MAP3K20: variants seen among roughly 807,000 people sequenced by gnomAD.
The protein encoded by MAP3K20 is mitogen-activated protein kinase kinase kinase 20, also known as HCCS-4.
In MAP3K20, 40 loss-of-function variants were observed where a neutral mutation model predicts 85.7. The observed-to-expected ratio is 0.47, with a 90% CI of 0.36 to 0.61. MAP3K20 has a LOEUF of 0.61. Among genes scored for constraint, MAP3K20 ranks in the 20% least tolerant of loss-of-function variants. The pLI is 0.00. For missense variants in MAP3K20, 817 were observed against 961.7 expected, an observed-to-expected ratio of 0.85 and a Z score of 1.99; for synonymous variants, 325 against 327.7, an observed-to-expected ratio of 0.99 and a Z score of 0.09.
Position 173,191,138 on chromosome 2 carries a change from C to G in MAP3K20, c.543C>G (p.Leu181=). ...PWMAPEVIQS[L]PVSETCDTYS... is the part of the protein sequence containing the mutation. ...TGGCTCCAGAAGTTATCCAGAGTCT[C>G]CCTGTGTCAGAAACTTGTGACACAT... The change falls in exon 7 of 20, where the codon CTC becomes CTG. Residue 181 remains leucine, a synonymous_variant. Transcript: ENST00000375213. The G allele has an allele frequency of 6.2e-7, 1 of 1,613,980 alleles. No individual in the cohort carries two copies. The highest frequency in any genetic ancestry group is 8.5e-7 in the Non-Finnish European group (1 of 1,179,934).
Position 173,217,741 on chromosome 2 carries a change from G to A in MAP3K20, c.987+491G>A, listed in dbSNP as rs76550983. Among the ~76,000 whole-genome samples the A allele has an allele frequency of 3.7e-3, 568 of 152,178 alleles. 5 individuals carry two copies. Among genetic ancestry groups the A allele is most frequent in the African/African-American group, 0.013 (528 of 41,516 alleles). On this transcript the variant is annotated intron_variant, in intron 11 of 19. Transcript: ENST00000375213. The stretch of plus-strand genomic sequence containing the variant: ...TGCAAATGAGAAGCATTAATATTTC[G>A]TACTCAATTTAGTGTTATGATCATG...
At chr2:173,120,100 T>A (rs1444760738) in intron 2 of MAP3K20, among the ~76,000 whole-genome samples, 1 of 152,192 alleles carries the variant, frequency 6.6e-6, no homozygotes, top group Non-Finnish European at 1.5e-5. Flanking sequence ...AATACAATTA[T>A]CTTTTAAAAA....
intron 2 of MAP3K20, among the ~76,000 whole-genome samples, chr2:173,099,318 G>T (rs1574011428): frequency 2.3e-5 from 3 of 133,056 alleles, no homozygotes; most frequent in African/African-American, 6.0e-5. Flanking sequence ...TTTGTTTTGT[G>T]TTTTGTGTTT....
chr2:173,165,744 T>A (rs1187216289), intron 2 of MAP3K20, among the ~76,000 whole-genome samples: 1 of 152,222 alleles, frequency 6.6e-6, no homozygotes, highest in Non-Finnish European at 1.5e-5. Context: ...CAGTCACAAC[T>A]CACTGCAGCT....
intron 14 of MAP3K20, among the ~76,000 whole-genome samples, chr2:173,233,372 T>G (rs930213898): frequency 6.6e-6 from 1 of 152,214 alleles, no homozygotes; most frequent in Non-Finnish European, 1.5e-5. Flanking sequence ...CCCCCAAAAC[T>G]TAACTGTTAA....
At chr2:173,242,520 A>C (rs1250111612) in intron 16 of MAP3K20, among the ~76,000 whole-genome samples, 1 of 151,944 alleles carries the variant, frequency 6.6e-6, no homozygotes, top group African/African-American at 2.4e-5. Flanking sequence ...TGGAAAACTG[A>C]AAAATCTATT....
intron 2 of MAP3K20, among the ~76,000 whole-genome samples, chr2:173,108,529 T>C (rs958113088): frequency 7.9e-5 from 12 of 152,260 alleles, no homozygotes; most frequent in African/African-American, 2.7e-4. Flanking sequence ...ATCATTGTTA[T>C]ATCAGCTCAT....
At chr2:173,083,304 G>A (rs1454480920) in intron 1 of MAP3K20, among the ~76,000 whole-genome samples, 2 of 152,142 alleles carry the variant, frequency 1.3e-5, no homozygotes, top group Non-Finnish European at 2.9e-5. Context: ...GGTAGATACA[G>A]TACAAGTTGG....
chr2:173,265,659 T>C (rs141149463), intron 19 of MAP3K20, among the ~76,000 whole-genome samples: 1 of 152,278 alleles, frequency 6.6e-6, no homozygotes, highest in East Asian at 1.9e-4. Context: ...CACAACTATG[T>C]AGGAAGAAGA....
Position 173,266,647 on chromosome 2 carries a change from GC to G in MAP3K20, c.2301del (p.Trp768GlyfsTer64). 1.9e-6 allele frequency: 3 copies of G among 1,613,564 alleles called. No individual in the cohort carries two copies. Among genetic ancestry groups the G allele is most frequent in the Non-Finnish European group, 2.5e-6 (3 of 1,179,804 alleles). On this transcript the variant is annotated frameshift_variant, in exon 20 of 20. Transcript: ENST00000375213. LOFTEE classifies it low-confidence loss of function (END_TRUNC). ...GAGGACAGCAAAGTCAGCGAAGGGG[GC>G]TGGACAAAAGTGGAATACCGGAAAA... ...SEEDSKVSEG[G>X]WTKVEYRKKP...
chr2:173,224,995 G>C (rs1684345149), intron 11 of MAP3K20: 1 of 983,544 alleles, frequency 1.0e-6, no homozygotes, highest in African/African-American at 1.7e-5. Context: ...AAGAAACAGT[G>C]AGAAATGTAA....
upstream of MAP3K20, chr2:173,075,730 A>G (rs1028788381): frequency 2.0e-6 from 2 of 984,988 alleles, no homozygotes; most frequent in African/African-American, 1.8e-5. Flanking sequence ...CCCCGGGCGC[A>G]GGCCAGGGAG....
Position 173,169,830 on chromosome 2 carries a change from A to C in MAP3K20, c.185A>C (p.His62Pro). 1 of 1,613,982 alleles carries C rather than the reference A, an allele frequency of 6.2e-7. No homozygotes were observed. Among genetic ancestry groups the C allele is most frequent in the African/African-American group, 1.3e-5 (1 of 75,050 alleles). The change falls in exon 3 of 20, where the codon CAC becomes CCC. Residue 62 changes from histidine (H) to proline (P), a missense_variant. By Grantham distance (77) the His-to-Pro change is moderately conservative (BLOSUM62 -2). Around this residue, in one of 4 missense-constraint regions of MAP3K20, gnomAD observed 200 missense variants for 302.7 expected, o/e 0.66. Transcript: ENST00000375213. ...KEAEILSVLS[H>P]RNIIQFYGVI... ...GCAGAAATACTCAGTGTCCTCAGTC[A>C]CAGAAACATCATCCAGTTTTATGGA...
rs758552151 is a variant in MAP3K20, at chr2:173,258,742, T to C, written c.1403T>C (p.Ile468Thr). 1.9e-6 allele frequency: 3 copies of C among 1,612,624 alleles called. No individual in the cohort carries two copies. Among genetic ancestry groups the C allele is most frequent in the African/African-American group, 1.3e-5 (1 of 74,892 alleles). The change falls in exon 17 of 20, where the codon ATT becomes ACT. Residue 468 changes from isoleucine to threonine, a missense_variant. Ile to Thr is a moderately conservative substitution (Grantham distance 89). Transcript: ENST00000375213. ...TATATGGAGATGGATGGGGATGAAA[T>C]TGCAATAACCTACATAAAAGATGTG... ...KMYMEMDGDEIAITYIKDVTF... is the reference protein window; with the variant it reads ...KMYMEMDGDETAITYIKDVTF...
intron 19 of MAP3K20, among the ~76,000 whole-genome samples, chr2:173,265,217 G>T (rs1275525901): frequency 6.6e-6 from 1 of 152,240 alleles, no homozygotes; most frequent in Non-Finnish European, 1.5e-5. Context: ...GTGAGCAGGG[G>T]GTGGAGTAGC....
At chr2:173,202,416 T>C (rs1208569303) in intron 8 of MAP3K20, among the ~76,000 whole-genome samples, 1 of 152,220 alleles carries the variant, frequency 6.6e-6, no homozygotes, top group Non-Finnish European at 1.5e-5. Flanking sequence ...AAGTTCAGTT[T>C]TAAGTTTTTT....
At chr2:173,208,342 G>C (rs1688399249) in intron 9 of MAP3K20, among the ~76,000 whole-genome samples, 1 of 151,004 alleles carries the variant, frequency 6.6e-6, no homozygotes. Context: ...AGGCTGCAGT[G>C]AGCTATGATC....
At chr2:173,114,000 A>G (rs1462611332) in intron 2 of MAP3K20, among the ~76,000 whole-genome samples, 2 of 151,620 alleles carry the variant, frequency 1.3e-5, no homozygotes, top group African/African-American at 4.8e-5. Flanking sequence ...GAAGTCCCCC[A>G]CTATTATTGT....
intron 14 of MAP3K20, among the ~76,000 whole-genome samples, chr2:173,234,907 C>G (rs1052610735): frequency 1.3e-5 from 2 of 152,040 alleles, no homozygotes; most frequent in Admixed American, 6.6e-5. Context: ...ATTAAAAAGG[C>G]AAGGCTGGGT....
Sources: allele counts gnomAD v4.1 joint callset (sites outside exome capture counted in the v4.1 genomes callset), GRCh38; gene constraint gnomAD v4.1.1; regional missense constraint gnomAD v4.1.1; transcripts MANE v1.5; gene names NCBI Gene and HGNC (gene_info 2026-07-23, HGNC 2026-07-21).